The following EPHA6 variants were observed in gnomAD, a reference collection of about 807,000 sequenced individuals.
EPHA6 encodes the protein EPH receptor A6, also known as ephrin type-A receptor 6.
Under a neutral mutation model 112.0 loss-of-function variants are expected in EPHA6, and 50 were observed. The ratio of observed to expected loss-of-function variants is 0.45; its 90% confidence interval spans 0.36 to 0.56. EPHA6 has a LOEUF of 0.56. EPHA6 is among the 20% of genes least tolerant of loss of function. The pLI is 0.00. For synonymous variants in EPHA6, 529 were observed against 490.7 expected (o/e 1.08, Z -1.03); for missense variants, 1,280 against 1,417.4 (o/e 0.90, Z 1.56).
intron 5 of EPHA6, among the ~76,000 whole-genome samples, chr3:97,392,426 C>CTGTG (rs375839090): frequency 6.7e-6 from 1 of 149,662 alleles, no homozygotes; most frequent in Non-Finnish European, 1.5e-5. Context: ...GGGGGTGTGT[C>CTGTG]TGTGTGTGTG....
At chr3:96,886,853 C>G (rs1187233115) in intron 2 of EPHA6, among the ~76,000 whole-genome samples, 1 of 152,124 alleles carries the variant, frequency 6.6e-6, no homozygotes, top group East Asian at 1.9e-4. Flanking sequence ...TTTAGAGCTC[C>G]TTTTACCAGT....
At chr3:97,161,655 C>A (rs1258973179) in intron 3 of EPHA6, among the ~76,000 whole-genome samples, 1 of 152,100 alleles carries the variant, frequency 6.6e-6, no homozygotes. Context: ...GATGCAACAA[C>A]TTACCCTTCA....
intron 10 of EPHA6, among the ~76,000 whole-genome samples, chr3:97,504,644 T>G (rs1007072421): frequency 6.6e-6 from 1 of 152,186 alleles, no homozygotes; most frequent in Admixed American, 6.6e-5. Flanking sequence ...GCTGTTCTTT[T>G]GTTTGAAAGG....
chr3:97,750,116 A>G lies in EPHA6; in HGVS notation c.*1415A>G, dbSNP rs1281471901. Among the ~76,000 whole-genome samples the G allele has an allele frequency of 6.6e-6, 1 of 152,108 alleles. No individual in the cohort carries two copies. Among genetic ancestry groups the G allele is most frequent in the Admixed American group, 6.6e-5 (1 of 15,264 alleles). ...AAAATCAGCTGCTCCCTGTAAAACT[A>G]AAAAAATGACGACTGTTTTAGGTGA... On this transcript the variant is annotated 3_prime_UTR_variant, in exon 18 of 18. Coordinates refer to ENST00000389672, the MANE Select transcript of EPHA6 (RefSeq NM_001080448.3).
intron 3 of EPHA6, among the ~76,000 whole-genome samples, chr3:97,112,176 C>T (rs1489508036): frequency 6.6e-6 from 1 of 152,074 alleles, no homozygotes; most frequent in Non-Finnish European, 1.5e-5. Flanking sequence ...CAATTTTCAT[C>T]TCTGTTTCTT....
chr3:97,297,043 A>G (rs1346564748), intron 5 of EPHA6, among the ~76,000 whole-genome samples: 2 of 152,026 alleles, frequency 1.3e-5, no homozygotes, highest in Admixed American at 1.3e-4. Flanking sequence ...CTCAGCATGA[A>G]CTCTCTCTTT....
Position 97,479,301 on chromosome 3 carries a change from T to A in EPHA6, c.2011T>A (p.Trp671Arg). The A allele has an allele frequency of 1.3e-6, 2 of 1,596,122 alleles. No homozygotes were observed. The highest frequency in any genetic ancestry group is 1.7e-6 in the Non-Finnish European group (2 of 1,173,280). Residue 671 changes from tryptophan (W) to arginine (R), a missense_variant, in exon 9 of 18, where the codon TGG becomes AGG. Trp to Arg is a moderately radical substitution (Grantham distance 101, BLOSUM62 -3). Coordinates refer to ENST00000389672, the MANE Select transcript of EPHA6 (RefSeq NM_001080448.3). ...LFFLITGRCQ[W>R]YIKAKMKSEE... Reference sequence around the variant, plus strand: ...TTTTAATCTTTTTAAAAGATGTCAGTGGTACATAAAAGCCAAGATGAAGTC... The same window carrying A: ...TTTTAATCTTTTTAAAAGATGTCAGAGGTACATAAAAGCCAAGATGAAGTC...
chr3:97,666,150 T>TC (rs1306359593), intron 14 of EPHA6, among the ~76,000 whole-genome samples: 1 of 152,104 alleles, frequency 6.6e-6, no homozygotes, highest in East Asian at 1.9e-4. Flanking sequence ...TAACACATTT[T>TC]CCCCCCTTGT....
At chr3:97,588,300 T>G (rs1362249981) in intron 11 of EPHA6, among the ~76,000 whole-genome samples, 2 of 152,190 alleles carry the variant, frequency 1.3e-5, no homozygotes, top group Admixed American at 1.3e-4. Flanking sequence ...TAACAAGTAA[T>G]CTTCCTGCAC....
intron 5 of EPHA6, among the ~76,000 whole-genome samples, chr3:97,303,879 G>C (rs916198124): frequency 8.6e-5 from 13 of 151,948 alleles, no homozygotes; most frequent in Non-Finnish European, 1.8e-4. Context: ...CATGAGCATG[G>C]AATGTTTTTG....
intron 14 of EPHA6, among the ~76,000 whole-genome samples, chr3:97,679,715 A>G (rs1303692607): frequency 6.6e-6 from 1 of 152,168 alleles, no homozygotes; most frequent in African/African-American, 2.4e-5. Context: ...TAGCAGGATC[A>G]GACACTTCAA....
At chr3:96,929,022 G>A (rs562452116) in intron 2 of EPHA6, among the ~76,000 whole-genome samples, 5 of 152,244 alleles carry the variant, frequency 3.3e-5, no homozygotes, top group Admixed American at 2.0e-4. Context: ...TTGCATGTGA[G>A]ATGAGTCTCT....
At chr3:96,848,561 G>T (rs1334408422) in intron 1 of EPHA6, among the ~76,000 whole-genome samples, 2 of 151,960 alleles carry the variant, frequency 1.3e-5, no homozygotes, top group East Asian at 3.9e-4. Flanking sequence ...GGAGATGGAG[G>T]TTATAGTGGG....
At chr3:97,013,349 TAAAA>T (rs535562826) in intron 3 of EPHA6, among the ~76,000 whole-genome samples, 1 of 151,402 alleles carries the variant, frequency 6.6e-6, no homozygotes, top group African/African-American at 2.4e-5. Flanking sequence ...TTAGAAATGA[TAAAA>T]AAAAAGATTT....
intron 6 of EPHA6, among the ~76,000 whole-genome samples, chr3:97,425,958 C>T (rs2089085427): frequency 6.6e-6 from 1 of 152,128 alleles, no homozygotes. Context: ...CATCTGAGAC[C>T]ACTTCAGCCT....
chr3:96,976,380 A>C lies in EPHA6; in HGVS notation c.451-10950A>C, dbSNP rs551399720. 4.6e-5 allele frequency among the ~76,000 whole-genome samples: 7 copies of C among 152,264 alleles called. No homozygotes were observed. In the East Asian group the frequency reaches 1.2e-3, roughly 25 times the overall value. ...ACACTTACTATATTTTACTATATAAACTATTAGATTGTTACACTTAAACCT... is the reference window on the plus strand; with the variant it reads ...ACACTTACTATATTTTACTATATAACCTATTAGATTGTTACACTTAAACCT... On this transcript the variant is annotated intron_variant, in intron 2 of 17. Transcript: ENST00000389672.
At chr3:96,870,916 T>C (rs1458886149) in intron 2 of EPHA6, among the ~76,000 whole-genome samples, 1 of 152,048 alleles carries the variant, frequency 6.6e-6, no homozygotes, top group African/African-American at 2.4e-5. Context: ...TTCATCATAG[T>C]AGAAGATTTC....
chr3:97,440,670 C>T (rs1428092647), intron 6 of EPHA6, among the ~76,000 whole-genome samples: 1 of 151,098 alleles, frequency 6.6e-6, no homozygotes, highest in Non-Finnish European at 1.5e-5. Context: ...ACATTAAGAT[C>T]CTCACATATC....
intron 5 of EPHA6, among the ~76,000 whole-genome samples, chr3:97,268,037 AG>A (rs1465994595): frequency 6.6e-6 from 1 of 152,182 alleles, no homozygotes; most frequent in African/African-American, 2.4e-5. Flanking sequence ...GTGATAATTT[AG>A]TGATTTGGGA....
Sources: allele counts gnomAD v4.1 joint callset (sites outside exome capture counted in the v4.1 genomes callset), GRCh38; gene constraint gnomAD v4.1.1; transcripts MANE v1.5; gene names NCBI Gene and HGNC (gene_info 2026-07-23, HGNC 2026-07-21).